Variants in ZBTB47 observed in about 807,000 individuals in gnomAD.
ZBTB47 encodes the protein zinc finger and BTB domain-containing protein 47.
ZBTB47 carries 24 observed loss-of-function variants against 56.6 expected under a neutral mutation model. The observed-to-expected ratio is 0.42, with a 90% CI of 0.31 to 0.60. The LOEUF is 0.60. Among genes scored for constraint, ZBTB47 ranks in the 20% least tolerant of loss-of-function variants. The probability of loss-of-function intolerance (pLI) is 0.14; values close to 1 mark genes in which losing one functional copy is unlikely to be tolerated. For synonymous variants in ZBTB47, 414 were observed against 418.9 expected, an observed-to-expected ratio of 0.99 and a Z score of 0.14; for missense variants, 829 against 1,032.6, an observed-to-expected ratio of 0.80 and a Z score of 2.70.
rs893062328 is a variant in ZBTB47 at position 42,654,626 on chromosome 3, C to T, written c.-82+743C>T. On this transcript the variant is annotated intron_variant, in intron 1 of 5. Transcript: ENST00000232974. The surrounding 1 kb of genome is among the most constrained non-coding windows in gnomAD (Gnocchi z 5.0). Reference sequence around the variant, plus strand: ...CCCAGCGCGGCGCTTCATGGAGCGGCCCTGGCCTGGCCGCCGGGGGCAGCG... The same window carrying T: ...CCCAGCGCGGCGCTTCATGGAGCGGTCCTGGCCTGGCCGCCGGGGGCAGCG... 2 of 979,430 alleles carry T rather than the reference C, an allele frequency of 2.0e-6. No individual in the cohort carries two copies. Among genetic ancestry groups the T allele is most frequent in the African/African-American group, 1.8e-5 (1 of 56,968 alleles). 60.7% of individuals were successfully genotyped at this position (979,430 alleles called of 1,614,324 possible).
At chr3:42,661,393 G>T in intron 2 of ZBTB47, 92 bp from the exon 3 acceptor site, 1 of 1,447,220 alleles carries the variant, frequency 6.9e-7, no homozygotes. Flanking sequence ...ATTTCAAGTG[G>T]GAAAACTGAG....
chr3:42,667,487 T>C lies in ZBTB47; in HGVS notation c.*2889T>C, dbSNP rs1710803314. ...GGTGTGTGTTGAGACCATTGACAAC[T>C]GCTCGTGTACAGGCACCCCACAGCC... On this transcript the variant is annotated 3_prime_UTR_variant, in exon 6 of 6. Coordinates refer to ENST00000232974, the MANE Select transcript of ZBTB47 (RefSeq NM_145166.4). 6.6e-6 allele frequency among the ~76,000 whole-genome samples: 1 copy of C among 152,176 alleles called. No homozygotes were observed. Among genetic ancestry groups the C allele is most frequent in the South Asian group, 2.1e-4 (1 of 4,828 alleles).
Position 42,654,530 on chromosome 3 carries a change from G to T in ZBTB47, c.-82+647G>T. 1 of 214,030 alleles carries T rather than the reference G, an allele frequency of 4.7e-6. No homozygotes were observed. The highest frequency in any genetic ancestry group is 7.9e-6 in the Non-Finnish European group (1 of 126,538). 13.3% of individuals were successfully genotyped at this position (214,030 alleles called of 1,614,324 possible). ...AGCTGCTTGGCGCTGGACTCGCCGC[G>T]GCCCTGCGCCTCCGCCTGCCTGGCC... On this transcript the variant is annotated intron_variant, in intron 1 of 5. Coordinates refer to ENST00000232974, the MANE Select transcript of ZBTB47 (RefSeq NM_145166.4). This position sits in a 1 kb window ranked among gnomAD's most constrained non-coding sequence, Gnocchi z 5.0.
intron 1 of ZBTB47, among the ~76,000 whole-genome samples, chr3:42,657,504 A>G (rs1402172409): frequency 6.6e-6 from 1 of 152,152 alleles, no homozygotes; most frequent in Non-Finnish European, 1.5e-5. Context: ...GGCTGCAGGC[A>G]GGGGTTGGGG....
In ZBTB47 at chr3:42,659,421, G is replaced by A. The variant is rs1411935687; in HGVS notation, c.1066G>A (p.Gly356Arg). ...GGAGGAGGGGGAGGAGGGGGAGGCT[G>A]GGGGCAAGCAGGGGCCACGGGGAAG... ...EEEEGEEGEA[G>R]GKQGPRGSRS... is the part of the protein sequence containing the mutation. The change falls in exon 2 of 6, where the codon GGG (glycine) becomes AGG (arginine). Residue 356 changes from glycine to arginine, a missense_variant. By Grantham distance (125) the Gly-to-Arg change is moderately radical. Transcript: ENST00000232974. 6 of 1,451,532 alleles carry A rather than the reference G, an allele frequency of 4.1e-6. No homozygotes were observed. The Admixed American group carries it at 1.1e-4, about 26-fold the overall frequency. The allele number at this position is 1,451,532 out of a possible 1,614,324, so 89.9% of individuals were successfully genotyped here. A position where few individuals can be genotyped will look rare whatever the true frequency, so the allele number is the denominator to read the frequency against.
chr3:42,660,048 G>A (rs1393603690), intron 2 of ZBTB47, among the ~76,000 whole-genome samples: 1 of 152,222 alleles, frequency 6.6e-6, no homozygotes, highest in Non-Finnish European at 1.5e-5. Flanking sequence ...GATAGAGTTG[G>A]GCGCATGAAG....
rs1710612271 is a variant in ZBTB47, at chr3:42,654,507, C to T, written c.-82+624C>T. On this transcript the variant is annotated intron_variant, in intron 1 of 5. Coordinates refer to ENST00000232974, the MANE Select transcript of ZBTB47 (RefSeq NM_145166.4). This position sits in a 1 kb window ranked among gnomAD's most constrained non-coding sequence, Gnocchi z 5.0. ...CGCGCCCGAGGCTCTGGGGCCGCAG[C>T]TGCTTGGCGCTGGACTCGCCGCGGC... 1 of 170,940 alleles carries T rather than the reference C, an allele frequency of 5.9e-6. No homozygotes were observed. Among genetic ancestry groups the T allele is most frequent in the Non-Finnish European group, 1.1e-5 (1 of 87,002 alleles). The allele number at this position is 170,940 out of a possible 1,614,324, so 10.6% of individuals were successfully genotyped here.
In ZBTB47 at chr3:42,664,257, G is replaced by A; in HGVS notation, c.1903G>A (p.Glu635Lys). The A allele has an allele frequency of 6.2e-7, 1 of 1,613,662 alleles. No individual in the cohort carries two copies. The highest frequency in any genetic ancestry group is 8.5e-7 in the Non-Finnish European group (1 of 1,179,792). The change falls in exon 6 of 6, where the codon GAG (glutamate) becomes AAG (lysine). Residue 635 changes from glutamate to lysine, a missense_variant. Around this residue, in one of 6 missense-constraint regions of ZBTB47, gnomAD observed 44 missense variants for 76.7 expected, o/e 0.57. Coordinates refer to ENST00000232974, the MANE Select transcript of ZBTB47 (RefSeq NM_145166.4). ...CCCAGGAGAGAAGCCGTACATCTGC[G>A]AGATCTGTGGCAAGAGCTTCACCAG... is the stretch of plus-strand genomic sequence containing the variant. ...THTGEKPYIC[E>K]ICGKSFTSRP...
At chr3:42,658,252 T>C in intron 1 of ZBTB47, 23 bp from the exon 2 acceptor site, 1 of 1,456,302 alleles carries the variant, frequency 6.9e-7, no homozygotes, top group South Asian at 1.4e-5. Context: ...CTTGACCCAC[T>C]CCTGTGCCCT....
chr3:42,664,087 T>C (rs1225234081), intron 5 of ZBTB47, 146 bp downstream of exon 5: 1 of 1,468,076 alleles, frequency 6.8e-7, no homozygotes, highest in Non-Finnish European at 9.1e-7. Flanking sequence ...CAGGGTTGGG[T>C]GAGGCTGGCA....
At chr3:42,661,705 A>G in intron 3 of ZBTB47, 73 bp downstream of exon 3, 7 of 1,571,250 alleles carry the variant, frequency 4.5e-6, no homozygotes, top group Non-Finnish European at 5.2e-6. Flanking sequence ...GATGGGAAAG[A>G]CTTCACATCC....
rs1450594829 is a variant in ZBTB47, at chr3:42,659,187, G to A, written c.832G>A (p.Glu278Lys). The change falls in exon 2 of 6, where the codon GAG becomes AAG. Residue 278 changes from glutamate (E) to lysine (K), a missense_variant. Glu to Lys is a moderately conservative substitution (Grantham distance 56). This residue lies in a region of ZBTB47 where 359 missense variants were observed against 359.8 expected (regional missense o/e 1.00). Coordinates refer to ENST00000232974, the MANE Select transcript of ZBTB47 (RefSeq NM_145166.4). ...GGACGGGCTGCAGAGACACTCGGACGAGGAGGAGGAGGACGACGAGGAGGA... is the reference window on the plus strand; with the variant it reads ...GGACGGGCTGCAGAGACACTCGGACAAGGAGGAGGAGGACGACGAGGAGGA... ...REDGLQRHSD[E>K]EEEDDEEEEE... 1.1e-5 allele frequency: 17 copies of A among 1,500,468 alleles called. No homozygotes were observed. Among genetic ancestry groups the A allele is most frequent in the African/African-American group, 8.4e-5 (6 of 71,808 alleles). The allele number at this position is 1,500,468 out of a possible 1,614,324, so 92.9% of individuals were successfully genotyped here.
At chr3:42,659,928 A>T in intron 2 of ZBTB47, 100 bp downstream of exon 2, 1 of 1,436,412 alleles carries the variant, frequency 7.0e-7, no homozygotes, top group Non-Finnish European at 9.2e-7. Context: ...TGCATTACCT[A>T]GGTGGTCTGC....
At chr3:42,653,256 C>T (rs1305033407), upstream of ZBTB47, among the ~76,000 whole-genome samples, 2 of 152,220 alleles carry the variant, frequency 1.3e-5, no homozygotes, top group Admixed American at 6.5e-5. Context: ...CTCCATTTCT[C>T]CTCTGGCACC....
chr3:42,658,586 C>T lies in ZBTB47; in HGVS notation c.231C>T (p.Ser77=), dbSNP rs938504808. The T allele has an allele frequency of 2.6e-6, 4 of 1,536,982 alleles. No homozygotes were observed. In the African/African-American group the frequency reaches 4.1e-5, roughly 16 times the overall value. The change falls in exon 2 of 6, where the codon TCC becomes TCT. Residue 77 remains serine, a synonymous_variant. Transcript: ENST00000232974. ...AGATCCTCAACTTCATCTATACGTC[C>T]AAGCTGCTGGTCAACGCGGCCAACG... ...LQQILNFIYT[S]KLLVNAANVH...
rs1198254108 is a variant in ZBTB47, at chr3:42,664,888, C to T, written c.*290C>T. The T allele has an allele frequency of 3.7e-6, 1 of 272,976 alleles. No homozygotes were observed. Among genetic ancestry groups the T allele is most frequent in the Non-Finnish European group, 6.8e-6 (1 of 147,824 alleles). The allele number at this position is 272,976 out of a possible 1,614,324, so 16.9% of individuals were successfully genotyped here. On this transcript the variant is annotated 3_prime_UTR_variant, in exon 6 of 6. Coordinates refer to ENST00000232974, the MANE Select transcript of ZBTB47 (RefSeq NM_145166.4). ...TGAAGGAAAAAGAAACTATTTACAG[C>T]ACTCCCCTCCAGGTGAGGGGGGTGC...
upstream of ZBTB47, chr3:42,653,677 A>T (rs1271985910): frequency 1.3e-5 from 2 of 152,532 alleles, no homozygotes; most frequent in Non-Finnish European, 2.9e-5. Context: ...TCTCCCCAGC[A>T]GAGGCTGAGC....
In ZBTB47 at chr3:42,664,039, C is replaced by T. The variant is rs544326522; in HGVS notation, c.1882+98C>T. The T allele has an allele frequency of 5.4e-6, 8 of 1,487,262 alleles. No individual in the cohort carries two copies. The African/African-American group carries it at 5.6e-5, about 10-fold the overall frequency. 92.1% of individuals were successfully genotyped at this position (1,487,262 alleles called of 1,614,324 possible). A position where few individuals can be genotyped will look rare whatever the true frequency, so the allele number is the denominator to read the frequency against. ...GAATAATCTTGGCCACACCCCTTCT[C>T]AAGTCTGGGCCTCCGTTTACCCATG... On this transcript the variant is annotated intron_variant, in intron 5 of 5. Transcript: ENST00000232974.
intron 1 of ZBTB47, among the ~76,000 whole-genome samples, chr3:42,655,102 GGACACCCAGAGCTCCCGTACCAACTCCT>G (rs1015129486): frequency 6.6e-6 from 1 of 152,196 alleles, no homozygotes; most frequent in African/African-American, 2.4e-5. Context: ...GGGTGTGGGA[GGACACCCAGAGCTCCCGTACCAACTCCT>G]GTGTGACCTT....
Sources: allele counts gnomAD v4.1 joint callset (sites outside exome capture counted in the v4.1 genomes callset), GRCh38; gene constraint gnomAD v4.1.1; regional missense constraint gnomAD v4.1.1; non-coding constraint Gnocchi (gnomAD v3.1); transcripts MANE v1.5; gene names NCBI Gene and HGNC (gene_info 2026-07-23, HGNC 2026-07-21).